The following DYTN variants were observed in gnomAD, a reference collection of about 807,000 sequenced individuals.
DYTN encodes the protein dystrotelin.
A neutral mutation model predicts 69.6 loss-of-function variants in DYTN; 75 were observed. That is an observed-to-expected ratio of 1.08 (90% CI 0.89 to 1.31). The LOEUF is 1.31. DYTN is among the 50% of genes most tolerant of loss of function. DYTN has a pLI of 0.00. For missense variants in DYTN, 726 were observed against 688.4 expected, an observed-to-expected ratio of 1.05 and a Z score of -0.61; for synonymous variants, 252 against 249.1, an observed-to-expected ratio of 1.01 and a Z score of -0.11.
intron 2 of DYTN, among the ~76,000 whole-genome samples, chr2:206,707,717 G>A (rs755255094): frequency 2.6e-4 from 40 of 152,142 alleles, no homozygotes; most frequent in Non-Finnish European, 5.9e-4. Flanking sequence ...TTGGAAAGGT[G>A]CATCTGTTAG....
chr2:206,681,570 G>GT (rs532234525), intron 9 of DYTN, among the ~76,000 whole-genome samples: 139 of 152,142 alleles, frequency 9.1e-4, no homozygotes, highest in African/African-American at 2.6e-3. Context: ...TTTATCGAGA[G>GT]TTTTTTTAAC....
rs737124 is a variant in DYTN, at chr2:206,693,863, G to A, written c.832-540C>T. On this transcript the variant is annotated intron_variant, in intron 8 of 11. Coordinates refer to ENST00000452335, the MANE Select transcript of DYTN (RefSeq NM_001093730.1). ...CGTAATAACAAAGTGGCCACATGGTGTCACTCTAACATCAACAAATCCAAG... is the reference window on the plus strand; with the variant it reads ...CGTAATAACAAAGTGGCCACATGGTATCACTCTAACATCAACAAATCCAAG... 1.1e-3 allele frequency among the ~76,000 whole-genome samples: 166 copies of A among 152,280 alleles called. 2 individuals carry two copies. In the East Asian group the frequency reaches 0.027, roughly 25 times the overall value.
chr2:206,701,424 G>C (rs1292129744), intron 5 of DYTN, among the ~76,000 whole-genome samples: 2 of 152,140 alleles, frequency 1.3e-5, no homozygotes, highest in Admixed American at 6.6e-5. Flanking sequence ...AAAAAATGTG[G>C]TATGTAATAT....
chr2:206,680,833 T>C (rs548173241), intron 9 of DYTN, among the ~76,000 whole-genome samples: 1 of 152,358 alleles, frequency 6.6e-6, no homozygotes, highest in East Asian at 1.9e-4. Flanking sequence ...AGTTTTTCTA[T>C]GAATTCATTC....
chr2:206,701,500 C>T (rs771982296), intron 5 of DYTN, among the ~76,000 whole-genome samples: 3 of 152,168 alleles, frequency 2.0e-5, no homozygotes, highest in South Asian at 4.1e-4. Flanking sequence ...CATGAATGAA[C>T]CTAGAGGACA....
At chr2:206,680,711 T>G (rs920898097) in intron 9 of DYTN, among the ~76,000 whole-genome samples, 1 of 152,166 alleles carries the variant, frequency 6.6e-6, no homozygotes, top group Non-Finnish European at 1.5e-5. Context: ...TTGTGTATAT[T>G]TTAATGACTA....
At chr2:206,697,342 A>G (rs966097274) in intron 7 of DYTN, among the ~76,000 whole-genome samples, 2 of 152,190 alleles carry the variant, frequency 1.3e-5, no homozygotes, top group African/African-American at 4.8e-5. Flanking sequence ...AAAAATGCTG[A>G]CATGTCCTTC....
intron 9 of DYTN, among the ~76,000 whole-genome samples, chr2:206,690,173 G>A (rs1418424255): frequency 6.6e-6 from 1 of 152,192 alleles, no homozygotes; most frequent in African/African-American, 2.4e-5. Flanking sequence ...GCCTACATTT[G>A]AGCAAAGACC....
intron 11 of DYTN, among the ~76,000 whole-genome samples, chr2:206,652,232 G>GAA (rs1177741699): frequency 2.0e-5 from 3 of 152,192 alleles, no homozygotes; most frequent in African/African-American, 7.2e-5. Flanking sequence ...TGGAGATTGT[G>GAA]AAAACAGATT....
At chr2:206,715,903 C>G (rs1033993971) in intron 1 of DYTN, among the ~76,000 whole-genome samples, 10 of 152,046 alleles carry the variant, frequency 6.6e-5, no homozygotes, top group Non-Finnish European at 1.5e-4. Context: ...TCCTGGCCAA[C>G]ATGGTGAAAC....
rs1410248761 is a variant in DYTN, at chr2:206,651,707, A to G, written c.*111T>C. 1 of 982,346 alleles carries G rather than the reference A, an allele frequency of 1.0e-6. No homozygotes were observed. 60.9% of individuals were successfully genotyped at this position (982,346 alleles called of 1,614,324 possible). A position where few individuals can be genotyped will look rare whatever the true frequency, so the allele number is the denominator to read the frequency against. ...TCAAAAAACAAAACCTGTTTTCTTC[A>G]TAGTTCACACTAAACTATTAAAAGA... is the stretch of plus-strand genomic sequence containing the variant. On this transcript the variant is annotated 3_prime_UTR_variant, in exon 12 of 12. Transcript: ENST00000452335.
chr2:206,707,553 A>C, intron 2 of DYTN, 50 bp from the exon 3 acceptor site: 1 of 1,538,524 alleles, frequency 6.5e-7, no homozygotes, highest in Non-Finnish European at 8.8e-7. Context: ...TGGGAACAAA[A>C]GGCTTCAAAT....
chr2:206,659,645 T>C (rs909551204), intron 11 of DYTN, among the ~76,000 whole-genome samples: 3 of 152,192 alleles, frequency 2.0e-5, no homozygotes, highest in Admixed American at 2.0e-4. Flanking sequence ...ATCATAGTTC[T>C]GGCTCTGATT....
rs145496288 is a variant in DYTN at position 206,684,732 on chromosome 2, C to T, written c.980+8443G>A. ...CATATTTTGTGTATTTTCCTCTTCA[C>T]CCACCTCTTCTTCCCCATTTTCTTC... On this transcript the variant is annotated intron_variant, in intron 9 of 11. Transcript: ENST00000452335. 4.7e-3 allele frequency among the ~76,000 whole-genome samples: 711 copies of T among 152,220 alleles called. 1 individual carries two copies. Among genetic ancestry groups the T allele is most frequent in the Non-Finnish European group, 7.8e-3 (530 of 68,006 alleles).
intron 9 of DYTN, among the ~76,000 whole-genome samples, chr2:206,683,776 C>G (rs1166408986): frequency 1.3e-5 from 2 of 152,132 alleles, no homozygotes; most frequent in East Asian, 3.9e-4. Flanking sequence ...CAAGCATGCC[C>G]CCACTTGGTG....
intron 7 of DYTN, 33 bp from the exon 8 acceptor site, chr2:206,694,910 A>G (rs980589147): frequency 6.1e-6 from 8 of 1,319,506 alleles, no homozygotes; most frequent in Admixed American, 2.5e-5. Context: ...AGCTTACGTC[A>G]CTAGTAGATG....
intron 1 of DYTN, among the ~76,000 whole-genome samples, chr2:206,712,774 G>A (rs1249573553): frequency 6.6e-6 from 1 of 152,208 alleles, no homozygotes; most frequent in African/African-American, 2.4e-5. Context: ...CACTTCCATG[G>A]GGGCATGTGG....
intron 1 of DYTN, among the ~76,000 whole-genome samples, chr2:206,715,712 G>A (rs1219739946): frequency 6.6e-6 from 1 of 152,204 alleles, no homozygotes; most frequent in Non-Finnish European, 1.5e-5. Context: ...AAAGTTCTTG[G>A]GGCTAGGAAG....
In DYTN at chr2:206,710,377, T is replaced by C. The variant is rs1574604861; in HGVS notation, c.94+147A>G. 20 of 665,270 alleles carry C rather than the reference T, an allele frequency of 3.0e-5. No individual in the cohort carries two copies. In the East Asian group the frequency reaches 6.4e-4, roughly 21 times the overall value. The allele number at this position is 665,270 out of a possible 1,614,324, so 41.2% of individuals were successfully genotyped here. A position where few individuals can be genotyped will look rare whatever the true frequency, so the allele number is the denominator to read the frequency against. ...TGATGTTTTCCCATCCTCCATCTTCTCTGTCACGAATGGGCTAAATGCACA... is the reference window on the plus strand; with the variant it reads ...TGATGTTTTCCCATCCTCCATCTTCCCTGTCACGAATGGGCTAAATGCACA... On this transcript the variant is annotated intron_variant, in intron 2 of 11. Transcript: ENST00000452335.
Sources: allele counts gnomAD v4.1 joint callset (sites outside exome capture counted in the v4.1 genomes callset), GRCh38; gene constraint gnomAD v4.1.1; transcripts MANE v1.5; gene names NCBI Gene and HGNC (gene_info 2026-07-23, HGNC 2026-07-21).